Variants in COL26A1 observed in about 807,000 individuals in gnomAD.
The protein encoded by COL26A1 is collagen alpha-1(XXVI) chain.
COL26A1 carries 41 observed loss-of-function variants against 59.3 expected under a neutral mutation model. The ratio of observed to expected loss-of-function variants is 0.69; its 90% CI spans 0.54 to 0.90. The LOEUF (loss-of-function observed/expected upper bound fraction) is 0.90. Among genes scored for constraint, COL26A1 ranks in the 40% least tolerant of loss-of-function variants. COL26A1 has a pLI of 0.00. For synonymous variants in COL26A1, 266 were observed against 256.0 expected (o/e 1.04, Z -0.37); for missense variants, 612 against 602.3 (o/e 1.02, Z -0.17).
intron 3 of COL26A1, among the ~76,000 whole-genome samples, chr7:101,467,861 C>T (rs1268980493): frequency 6.7e-6 from 1 of 150,036 alleles, no homozygotes; most frequent in Non-Finnish European, 1.5e-5. Context: ...AGCGAGACTC[C>T]GTCTCAAAAG....
rs900596890 is a variant in COL26A1 at position 101,550,987 on chromosome 7, C to T, written c.994-121C>T. ...CCCTTCCCGTGCCGGCCGGGCCATC[C>T]TCCTCTCCCTTCCTCTTCTGCAGAC... is the stretch of plus-strand genomic sequence containing the variant. On this transcript the variant is annotated intron_variant, in intron 9 of 12. Transcript: ENST00000313669. 6.9e-6 allele frequency: 8 copies of T among 1,158,234 alleles called. No individual in the cohort carries two copies. The Admixed American group carries it at 8.0e-5, about 12-fold the overall frequency. 71.7% of individuals were successfully genotyped at this position (1,158,234 alleles called of 1,614,324 possible).
chr7:101,374,537 T>C (rs1033477165), intron 1 of COL26A1, among the ~76,000 whole-genome samples: 8 of 152,190 alleles, frequency 5.3e-5, no homozygotes, highest in Non-Finnish European at 1.0e-4. Context: ...GCAGCGGCAG[T>C]AGATTTTCAT....
Position 101,391,436 on chromosome 7 carries a change from T to TG in COL26A1, c.158+28247dup, listed in dbSNP as rs572375018. ...AGGACCTAGAGAAGGTCCTATTGGATGACAGCTGGAGCCAGGAAATTTCAG... is the reference window on the plus strand; with the variant it reads ...AGGACCTAGAGAAGGTCCTATTGGATGGACAGCTGGAGCCAGGAAATTTCAG... On this transcript the variant is annotated intron_variant, in intron 1 of 12. Coordinates refer to ENST00000313669, the MANE Select transcript of COL26A1 (RefSeq NM_001278563.3). Among the ~76,000 whole-genome samples, 35 of 152,344 alleles carry TG rather than the reference T, an allele frequency of 2.3e-4. 1 individual carries two copies. The East Asian group carries it at 5.0e-3, about 22-fold the overall frequency.
intron 3 of COL26A1, among the ~76,000 whole-genome samples, chr7:101,475,824 CTCTTTCTCTCTCTCTCTT>C (rs1424164929): frequency 1.4e-5 from 2 of 142,384 alleles, no homozygotes; most frequent in African/African-American, 2.6e-5. Flanking sequence ...TTCTTTCTCT[CTCTTTCTCTCTCTCTCTT>C]TCTTTCTCTC....
intron 3 of COL26A1, among the ~76,000 whole-genome samples, chr7:101,514,365 A>G (rs1053525004): frequency 7.2e-5 from 11 of 152,072 alleles, no homozygotes; most frequent in Non-Finnish European, 1.0e-4. Context: ...AATAAAAACA[A>G]TAAAAAAAAT....
rs141432454 is a variant in COL26A1, at chr7:101,400,918, G to A, written c.159-19059G>A. On this transcript the variant is annotated intron_variant, in intron 1 of 12. Transcript: ENST00000313669. ...TAAATACCACTGATGTGGGCCCTGC[G>A]CTAAACCCGAACGAGGGGTGGGGAG... Among the ~76,000 whole-genome samples, 38 of 152,222 alleles carry A rather than the reference G, an allele frequency of 2.5e-4. No individual in the cohort carries two copies. In the East Asian group the frequency reaches 5.6e-3, roughly 22 times the overall value.
intron 1 of COL26A1, among the ~76,000 whole-genome samples, chr7:101,419,008 C>G (rs1444397662): frequency 6.6e-6 from 1 of 151,190 alleles, no homozygotes; most frequent in Non-Finnish European, 1.5e-5. Context: ...CTCTCTCTCT[C>G]TCTCTGGCTC....
rs556099998 is a variant in COL26A1, at chr7:101,553,474, C to T, written c.1080+98C>T. On this transcript the variant is annotated intron_variant, in intron 11 of 12. Coordinates refer to ENST00000313669, the MANE Select transcript of COL26A1 (RefSeq NM_001278563.3). The stretch of plus-strand genomic sequence containing the variant: ...CCACAGATCTGCGCTGACCGTCAGC[C>T]AGCCCCGAGCTGGGTGCTGGGCCAC... The T allele has an allele frequency of 5.8e-4, 749 of 1,287,134 alleles. 4 individuals are homozygous for T. Among genetic ancestry groups the T allele is most frequent in the Non-Finnish European group, 7.3e-4 (667 of 916,974 alleles). The allele number at this position is 1,287,134 out of a possible 1,614,324, so 79.7% of individuals were successfully genotyped here.
chr7:101,370,207 G>GT lies in COL26A1; in HGVS notation c.158+7018dup, dbSNP rs547648699. 2.7e-3 allele frequency among the ~76,000 whole-genome samples: 408 copies of GT among 152,170 alleles called. 3 individuals carry two copies. Among genetic ancestry groups the GT allele is most frequent in the African/African-American group, 9.3e-3 (386 of 41,530 alleles). ...TGCTGGTTGATATGGCCTTTCAGGG[G>GT]TAAGAATAGACTTCCCTGATCTTAT... On this transcript the variant is annotated intron_variant, in intron 1 of 12. Transcript: ENST00000313669.
intron 1 of COL26A1, among the ~76,000 whole-genome samples, chr7:101,380,861 T>C (rs1013063499): frequency 3.3e-5 from 5 of 152,190 alleles, no homozygotes; most frequent in African/African-American, 9.6e-5. Flanking sequence ...GTAAATTCCA[T>C]AACTAACGAA....
chr7:101,506,926 T>G (rs2130573931), intron 3 of COL26A1, among the ~76,000 whole-genome samples: 1 of 138,698 alleles, frequency 7.2e-6, no homozygotes, highest in East Asian at 1.9e-4. Flanking sequence ...CTAGAACCAC[T>G]CCTTTTTTTT....
chr7:101,473,745 T>C (rs985281647), intron 3 of COL26A1, among the ~76,000 whole-genome samples: 8 of 151,596 alleles, frequency 5.3e-5, no homozygotes, highest in African/African-American at 1.9e-4. Context: ...CCCAGCTACT[T>C]GGGAGATTGT....
chr7:101,497,160 C>T (rs1042965947), intron 3 of COL26A1, among the ~76,000 whole-genome samples: 10 of 151,984 alleles, frequency 6.6e-5, no homozygotes, highest in African/African-American at 2.2e-4. Flanking sequence ...ATCACCTGAA[C>T]CCGGGAGGCA....
At chr7:101,488,444 C>T (rs933263628) in intron 3 of COL26A1, among the ~76,000 whole-genome samples, 9 of 146,266 alleles carry the variant, frequency 6.2e-5, no homozygotes, top group Admixed American at 2.1e-4. Context: ...GGCGCAATCT[C>T]AGCTCACTGC....
intron 1 of COL26A1, among the ~76,000 whole-genome samples, chr7:101,413,246 C>A (rs147141981): frequency 2.6e-5 from 4 of 152,088 alleles, no homozygotes; most frequent in African/African-American, 9.7e-5. Flanking sequence ...TGGCCGGGCG[C>A]GGTGGCTCGT....
At chr7:101,398,933 T>C (rs1476163540) in intron 1 of COL26A1, among the ~76,000 whole-genome samples, 1 of 152,012 alleles carries the variant, frequency 6.6e-6, no homozygotes, top group East Asian at 1.9e-4. Context: ...TACCCAGGTG[T>C]GGAGTGAGCC....
In COL26A1 at chr7:101,471,567, G is replaced by GTTTTTTTTTTT. The variant is rs796287195; in HGVS notation, c.385+23783_385+23784insTTTTTTTTTTT. Among the ~76,000 whole-genome samples the GTTTTTTTTTTT allele has an allele frequency of 5.0e-4, 56 of 112,416 alleles. 2 individuals carry two copies. Among genetic ancestry groups the GTTTTTTTTTTT allele is most frequent in the African/African-American group, 1.9e-3 (53 of 28,438 alleles). The allele number at this position is 112,416 out of a possible 152,430, so 73.7% of individuals were successfully genotyped here. On this transcript the variant is annotated intron_variant, in intron 3 of 12. Coordinates refer to ENST00000313669, the MANE Select transcript of COL26A1 (RefSeq NM_001278563.3). The stretch of plus-strand genomic sequence containing the variant: ...ATAATGTTTTGTTGTTGTTGTTGTT[G>GTTTTTTTTTTT]TTTGTTTTTTTTTTTTTTTTTTTTT...
intron 1 of COL26A1, among the ~76,000 whole-genome samples, chr7:101,398,715 C>A (rs980740163): frequency 1.3e-5 from 2 of 152,130 alleles, no homozygotes; most frequent in African/African-American, 4.8e-5. Flanking sequence ...CAATTCAGTC[C>A]CCTCCCCAGT....
chr7:101,412,885 C>T (rs886484537), intron 1 of COL26A1, among the ~76,000 whole-genome samples: 3 of 152,230 alleles, frequency 2.0e-5, no homozygotes, highest in Middle Eastern at 6.8e-3. Context: ...TCCCCTGTCC[C>T]GTGTCACCAG....
Sources: gnomAD v4.1 joint callset for allele counts (sites outside exome capture counted in the v4.1 genomes callset) on GRCh38, gnomAD v4.1.1 for gene constraint, MANE v1.5 for transcripts, NCBI Gene and HGNC (gene_info 2026-07-23, HGNC 2026-07-21) for gene names.